CARD14: variants seen among roughly 807,000 people sequenced by gnomAD.
CARD14 encodes the protein caspase recruitment domain-containing protein 14.
A neutral mutation model predicts 111.5 loss-of-function variants in CARD14; 107 were observed. The observed-to-expected ratio is 0.96, with a 90% confidence interval of 0.82 to 1.13. CARD14 has a LOEUF of 1.13. Among genes scored for constraint, CARD14 ranks in the 50% most tolerant of loss-of-function variants. The pLI is 0.00. For missense variants in CARD14, 1,322 were observed against 1,362.3 expected (o/e 0.97, Z 0.47); for synonymous variants, 617 against 579.6 (o/e 1.06, Z -0.93).
chr17:80,191,323 G>A lies in CARD14; in HGVS notation c.1090G>A (p.Ala364Thr). The change falls in exon 11 of 24, where the codon GCG becomes ACG. Residue 364 changes from alanine to threonine, a missense_variant and splice_region_variant. Ala to Thr is a moderately conservative substitution (Grantham distance 58). Coordinates refer to ENST00000648509, the MANE Select transcript of CARD14 (RefSeq NM_001366385.1). ...TCCTTACTCCCGTCGTGGCCCACAG[G>A]CGTACTCCGCGAGGGACAGTGCTCA... ...VCELQKERDQ[A>T]YSARDSAQRE... is the part of the protein sequence containing the mutation. 6.2e-7 allele frequency: 1 copy of A among 1,611,092 alleles called. No individual in the cohort carries two copies.
At chr17:80,174,999 A>G (rs771705076) in intron 2 of CARD14, among the ~76,000 whole-genome samples, 1 of 150,458 alleles carries the variant, frequency 6.6e-6, no homozygotes, top group Non-Finnish European at 1.5e-5. Context: ...TTTTTAAGAC[A>G]GGGTCTCAGT....
rs281875213 is a variant in CARD14, at chr17:80,183,988, A to G, written c.425A>G (p.Glu142Gly). The G allele has an allele frequency of 6.3e-7, 1 of 1,582,080 alleles. No homozygotes were observed. Among genetic ancestry groups the G allele is most frequent in the Non-Finnish European group, 8.6e-7 (1 of 1,162,286 alleles). ...AGCCTGCAGGAGGAGCTGAACCAGGAAAAGGGGCAGAAGGAGGTGCTGCTG... is the reference window on the plus strand; with the variant it reads ...AGCCTGCAGGAGGAGCTGAACCAGGGAAAGGGGCAGAAGGAGGTGCTGCTG... ...IGSLQEELNQ[E>G]KGQKEVLLRR... The change falls in exon 7 of 24, where the codon GAA (glutamate) becomes GGA (glycine). Residue 142 changes from glutamate to glycine, a missense_variant. Glu to Gly is a moderately conservative substitution (Grantham distance 98). Transcript: ENST00000648509.
chr17:80,200,229 A>ATT (rs373332962), intron 16 of CARD14, among the ~76,000 whole-genome samples: 2,638 of 74,426 alleles, frequency 0.035, 226 homozygotes, highest in Non-Finnish European at 0.046. Context: ...TTTACATGTC[A>ATT]TTTTTTTTTT....
At chr17:80,190,047 C>T (rs1371091092) in intron 9 of CARD14, among the ~76,000 whole-genome samples, 175 bp downstream of exon 9, 3 of 152,222 alleles carry the variant, frequency 2.0e-5, no homozygotes, top group South Asian at 2.1e-4. Context: ...AGCACCGACT[C>T]GCACCCCACA....
intron 17 of CARD14, 149 bp downstream of exon 17, chr17:80,202,019 C>T: frequency 8.0e-7 from 1 of 1,247,546 alleles, no homozygotes; most frequent in Non-Finnish European, 1.1e-6. Flanking sequence ...CCCCAGGAGG[C>T]CCCCAAGCCA....
Position 80,189,986 on chromosome 17 carries a change from C to A in CARD14, c.963+114C>A. The A allele has an allele frequency of 7.2e-7, 1 of 1,390,380 alleles. No individual in the cohort carries two copies. The allele number at this position is 1,390,380 out of a possible 1,614,324, so 86.1% of individuals were successfully genotyped here. A position where few individuals can be genotyped will look rare whatever the true frequency, so the allele number is the denominator to read the frequency against. ...TCCACGCCGAGCTCACATAATTTTGCTGAACGAATCTGTCGGCCTGTTCAT... is the reference window on the plus strand; with the variant it reads ...TCCACGCCGAGCTCACATAATTTTGATGAACGAATCTGTCGGCCTGTTCAT... On this transcript the variant is annotated intron_variant, in intron 9 of 23. Coordinates refer to ENST00000648509, the MANE Select transcript of CARD14 (RefSeq NM_001366385.1). This position sits in a 1 kb window ranked among gnomAD's most constrained non-coding sequence, Gnocchi z 4.7.
intron 7 of CARD14, among the ~76,000 whole-genome samples, chr17:80,187,306 C>T (rs1331965687): frequency 6.6e-6 from 1 of 152,194 alleles, no homozygotes; most frequent in African/African-American, 2.4e-5. Context: ...TAATTCACCT[C>T]CCCCCGCCAG....
chr17:80,172,850 A>G (rs1217768737), intron 1 of CARD14, 56 bp from the exon 2 acceptor site: 2 of 133,106 alleles, frequency 1.5e-5, no homozygotes, highest in African/African-American at 5.4e-5. Context: ...TATTGAACCC[A>G]TACTTGCTTA....
rs1440059712 is a variant in CARD14 at position 80,184,206 on chromosome 17, G to A, written c.643G>A (p.Ala215Thr). The A allele has an allele frequency of 1.3e-6, 2 of 1,546,168 alleles. No homozygotes were observed. The highest frequency in any genetic ancestry group is 2.7e-5 in the African/African-American group (2 of 73,364). ...CAATGCGCTGCAGGAGAAGGAGCTG[G>A]CCGCCTCACGCTGCCGCAGCCTGCA... ...YSNALQEKEL[A>T]ASRCRSLQEE... Residue 215 changes from alanine to threonine, a missense_variant, in exon 7 of 24, where the codon GCC (alanine) becomes ACC (threonine). Coordinates refer to ENST00000648509, the MANE Select transcript of CARD14 (RefSeq NM_001366385.1).
At position 80,181,455 on chromosome 17, in the gene CARD14, G is replaced by A. The variant is rs533406700; in HGVS notation, c.17G>A (p.Arg6His). Residue 6 changes from arginine to histidine, a missense_variant, in exon 5 of 24, where the codon CGC becomes CAC. Coordinates refer to ENST00000648509, the MANE Select transcript of CARD14 (RefSeq NM_001366385.1). MGELCRRDSALTALDE... is the reference protein window; with the variant it reads MGELCHRDSALTALDE... ...CGCCCAGCCATGGGGGAACTGTGCC[G>A]CAGGGACTCCGCACTCACGGCACTG... 2.3e-5 allele frequency: 37 copies of A among 1,574,546 alleles called. No individual in the cohort carries two copies. Among genetic ancestry groups the A allele is most frequent in the South Asian group, 1.6e-4 (14 of 85,708 alleles).
Position 80,197,581 on chromosome 17 carries a change from G to C in CARD14, c.1595-518G>C, listed in dbSNP as rs1268582968. On this transcript the variant is annotated intron_variant, in intron 14 of 23. Transcript: ENST00000648509. ...AAAGAAAGAAAGACAGGCCAGTGCA[G>C]TGCAGGCCCACGCAGACATGGAGGT... The C allele has an allele frequency of 1.8e-5, 3 of 163,798 alleles. No individual in the cohort carries two copies. The East Asian group carries it at 5.2e-4, about 28-fold the overall frequency. 10.1% of individuals were successfully genotyped at this position (163,798 alleles called of 1,614,324 possible). A position where few individuals can be genotyped will look rare whatever the true frequency, so the allele number is the denominator to read the frequency against.
Position 80,202,672 on chromosome 17 carries a change from T to C in CARD14, c.2219+252T>C, listed in dbSNP as rs11150848. On this transcript the variant is annotated intron_variant, in intron 18 of 23. Coordinates refer to ENST00000648509, the MANE Select transcript of CARD14 (RefSeq NM_001366385.1). ...TTTCTTAGCTCTGGGTTTCTTAGCTTTGGTACCATGGACGTTTGGGGCTGG... is the reference window on the plus strand; with the variant it reads ...TTTCTTAGCTCTGGGTTTCTTAGCTCTGGTACCATGGACGTTTGGGGCTGG... The C allele has an allele frequency of 0.49, 623,906 of 1,274,090 alleles. 156,857 individuals carry two copies. The highest frequency in any genetic ancestry group is 0.55 in the East Asian group (18,453 of 33,634). The allele number at this position is 1,274,090 out of a possible 1,614,324, so 78.9% of individuals were successfully genotyped here.
At position 80,207,318 on chromosome 17, in the gene CARD14, G is replaced by A. The variant is rs7221289; in HGVS notation, c.2807+233G>A. Reference sequence around the variant, plus strand: ...GTAATCCCAGCACTTTGGGAGGCCAGGGTGGGCAGATTGCTTGAGGTCAGC... The same window carrying A: ...GTAATCCCAGCACTTTGGGAGGCCAAGGTGGGCAGATTGCTTGAGGTCAGC... On this transcript the variant is annotated intron_variant, in intron 23 of 23. Coordinates refer to ENST00000648509, the MANE Select transcript of CARD14 (RefSeq NM_001366385.1). 0.48 allele frequency among the ~76,000 whole-genome samples: 73,224 copies of A among 151,886 alleles called. 18,797 individuals are homozygous for A. The highest frequency in any genetic ancestry group is 0.58 in the Non-Finnish European group (39,546 of 67,876).
At chr17:80,190,477 G>GA (rs2040487066) in intron 9 of CARD14, among the ~76,000 whole-genome samples, 3 of 152,046 alleles carry the variant, frequency 2.0e-5, no homozygotes, top group Admixed American at 2.0e-4. Flanking sequence ...GCTGGGCCTG[G>GA]TGGTGTGTGC....
In CARD14 at chr17:80,176,105, C is replaced by CT. The variant is rs71365590; in HGVS notation, c.-366-2388dup. Among the ~76,000 whole-genome samples, 160 of 135,600 alleles carry CT rather than the reference C, an allele frequency of 1.2e-3. 1 individual carries two copies. Among genetic ancestry groups the CT allele is most frequent in the East Asian group, 0.011 (52 of 4,714 alleles). The allele number at this position is 135,600 out of a possible 152,430, so 89.0% of individuals were successfully genotyped here. ...ATGAGCCACTGCACCAAGCCTGGAT[C>CT]TTTTTTTTTTTTTTTAAACAACTTT... On this transcript the variant is annotated intron_variant, in intron 2 of 23. Transcript: ENST00000648509.
intron 7 of CARD14, among the ~76,000 whole-genome samples, chr17:80,187,081 A>G (rs1244343466): frequency 6.6e-6 from 1 of 152,244 alleles, no homozygotes; most frequent in Non-Finnish European, 1.5e-5. Flanking sequence ...GTTCTCACCC[A>G]TACCTCTAAT....
intron 2 of CARD14, among the ~76,000 whole-genome samples, chr17:80,173,834 T>G (rs967086257): frequency 4.6e-5 from 7 of 152,118 alleles, no homozygotes; most frequent in African/African-American, 1.7e-4. Flanking sequence ...CCTGACCTTA[T>G]GATCTGCCCA....
Position 80,204,241 on chromosome 17 carries a change from AC to A in CARD14, c.2300del (p.Pro767HisfsTer75). On this transcript the variant is annotated frameshift_variant, in exon 20 of 24. Coordinates refer to ENST00000648509, the MANE Select transcript of CARD14 (RefSeq NM_001366385.1). LOFTEE classifies it high-confidence loss of function. Reference protein sequence around the residue: ...TVTRKPSSGGPQKLVRIVSMD... With the variant: ...TVTRKPSSGGXQKLVRIVSMD... Reference sequence around the variant, plus strand: ...CCCTCCTTTAGCCATCTTCTGGGGGACCACAGAAGCTGGTCCGCATCGTCAG... The same window carrying A: ...CCCTCCTTTAGCCATCTTCTGGGGGACACAGAAGCTGGTCCGCATCGTCAG... 2 of 1,588,726 alleles carry A rather than the reference AC, an allele frequency of 1.3e-6. No individual in the cohort carries two copies. Among genetic ancestry groups the A allele is most frequent in the African/African-American group, 1.3e-5 (1 of 74,420 alleles).
At chr17:80,187,285 G>A (rs907526053) in intron 7 of CARD14, among the ~76,000 whole-genome samples, 4 of 152,292 alleles carry the variant, frequency 2.6e-5, no homozygotes, top group African/African-American at 7.2e-5. Context: ...GACGGGTGCC[G>A]GACTTGTTTG....
Sources: gnomAD v4.1 joint callset for allele counts (sites outside exome capture counted in the v4.1 genomes callset) on GRCh38, gnomAD v4.1.1 for gene constraint, Gnocchi (gnomAD v3.1) non-coding constraint, MANE v1.5 for transcripts, NCBI Gene and HGNC (gene_info 2026-07-23, HGNC 2026-07-21) for gene names.